The following KLHL32 variants were observed in gnomAD, a reference collection of about 807,000 sequenced individuals.
KLHL32 encodes kelch-like protein 32.
A neutral mutation model predicts 64.8 loss-of-function variants in KLHL32; 35 were observed. That is an observed-to-expected ratio of 0.54 (90% CI 0.41 to 0.72). KLHL32 has a LOEUF of 0.72. Among genes scored for constraint, KLHL32 ranks in the 30% least tolerant of loss-of-function variants. KLHL32 has a pLI of 0.00. For synonymous variants in KLHL32, 259 were observed against 281.0 expected (o/e 0.92, Z 0.78); for missense variants, 589 against 768.5 (o/e 0.77, Z 2.76).
intron 3 of KLHL32, among the ~76,000 whole-genome samples, chr6:97,022,553 T>TCCGTCTC (rs1782150951): frequency 6.7e-6 from 1 of 149,658 alleles, no homozygotes; most frequent in Non-Finnish European, 1.5e-5. Context: ...CACTGCAATC[T>TCCGTCTC]CCGTCTCCCA....
At chr6:96,993,869 A>G (rs927237741) in intron 3 of KLHL32, among the ~76,000 whole-genome samples, 2 of 152,160 alleles carry the variant, frequency 1.3e-5, no homozygotes, top group Non-Finnish European at 2.9e-5. Context: ...GGAGAATATC[A>G]TTGAGGTTAG....
At chr6:96,951,089 AATAGAAATTTAAAAC>A (rs1461002194) in intron 1 of KLHL32, among the ~76,000 whole-genome samples, 1 of 152,180 alleles carries the variant, frequency 6.6e-6, no homozygotes, top group Non-Finnish European at 1.5e-5. Context: ...AAAGTGGTTA[AATAGAAATTTAAAAC>A]ATGATATTTA....
intron 3 of KLHL32, among the ~76,000 whole-genome samples, chr6:96,985,151 G>T (rs1417640459): frequency 2.6e-5 from 4 of 152,184 alleles, no homozygotes; most frequent in African/African-American, 4.8e-5. Context: ...GGCTGGATAT[G>T]AAATTCTGGG....
chr6:96,908,140 C>G, the KLHL32 span, among the ~76,000 whole-genome samples: 1 of 152,192 alleles, frequency 6.6e-6, no homozygotes, highest in Non-Finnish European at 1.5e-5. Context: ...GGCAGCAAAG[C>G]TACCAATGGT....
At chr6:97,090,426 C>T (rs528836412) in intron 6 of KLHL32, among the ~76,000 whole-genome samples, 22 of 152,226 alleles carry the variant, frequency 1.4e-4, no homozygotes, top group Admixed American at 2.6e-4. Context: ...TTTTTTGACA[C>T]GCTCCTCCTG....
At chr6:96,952,334 T>C (rs1266098061) in intron 1 of KLHL32, among the ~76,000 whole-genome samples, 1 of 152,236 alleles carries the variant, frequency 6.6e-6, no homozygotes, top group African/African-American at 2.4e-5. Flanking sequence ...TGGTGACTTT[T>C]TGTGACCAGA....
chr6:97,107,291 C>CAAA (rs1056501039), intron 6 of KLHL32, among the ~76,000 whole-genome samples: 2,654 of 136,694 alleles, frequency 0.019, 82 homozygotes, highest in African/African-American at 0.067. Flanking sequence ...GACTCCATCT[C>CAAA]AAAAAAAAAA....
At chr6:97,044,382 C>T (rs1255938336) in intron 4 of KLHL32, among the ~76,000 whole-genome samples, 2 of 151,984 alleles carry the variant, frequency 1.3e-5, no homozygotes, top group East Asian at 3.9e-4. Flanking sequence ...TTTAATCATT[C>T]ACTGTGCTGT....
At chr6:96,925,667 C>G (rs1379982939) in intron 1 of KLHL32, among the ~76,000 whole-genome samples, 2 of 152,194 alleles carry the variant, frequency 1.3e-5, no homozygotes, top group Admixed American at 1.3e-4. Flanking sequence ...TTTCCCCACA[C>G]AAGAATGAGC....
rs563815585 is a variant in KLHL32, at chr6:96,962,288, A to T, written c.-65-4708A>T. ...AGACCCCATCAATCCTATGTACCAG[A>T]TTATATTTGAAAAGAGACTTACCAG... On this transcript the variant is annotated intron_variant, in intron 1 of 10. Transcript: ENST00000369261. 2.0e-5 allele frequency among the ~76,000 whole-genome samples: 3 copies of T among 152,358 alleles called. No homozygotes were observed. In the South Asian group the frequency reaches 6.2e-4, roughly 32 times the overall value.
chr6:96,984,800 C>G (rs1776798775), intron 3 of KLHL32, among the ~76,000 whole-genome samples: 1 of 152,146 alleles, frequency 6.6e-6, no homozygotes, highest in South Asian at 2.1e-4. Flanking sequence ...GAATACAGTA[C>G]AGTGATGGGT....
At chr6:97,044,776 T>C (rs1043802678) in intron 4 of KLHL32, among the ~76,000 whole-genome samples, 5 of 152,128 alleles carry the variant, frequency 3.3e-5, no homozygotes, top group African/African-American at 1.2e-4. Flanking sequence ...CCATTTCTTC[T>C]AGATTATCCA....
rs117743308 is a variant in KLHL32 at position 97,132,515 on chromosome 6, T to C, written c.1607-138T>C. ...AATTTTTCTGAGTACTGGGAGGCAG[T>C]GATTAGTTGCTGCAAAAATCCCATG... On this transcript the variant is annotated intron_variant, in intron 9 of 10. Coordinates refer to ENST00000369261, the MANE Select transcript of KLHL32 (RefSeq NM_052904.4). 4,495 of 636,584 alleles carry C rather than the reference T, an allele frequency of 7.1e-3. 29 individuals carry two copies. The highest frequency in any genetic ancestry group is 0.012 in the South Asian group (664 of 56,184). The allele number at this position is 636,584 out of a possible 1,614,324, so 39.4% of individuals were successfully genotyped here.
At chr6:97,082,127 T>C (rs1026365279) in intron 5 of KLHL32, among the ~76,000 whole-genome samples, 3 of 152,186 alleles carry the variant, frequency 2.0e-5, no homozygotes, top group African/African-American at 7.2e-5. Flanking sequence ...TTTAGGACAC[T>C]GTTGCAAGAA....
intron 4 of KLHL32, among the ~76,000 whole-genome samples, chr6:97,057,561 C>A (rs971936853): frequency 1.4e-5 from 2 of 146,762 alleles, no homozygotes; most frequent in African/African-American, 5.2e-5. Context: ...CCCCCTCCCG[C>A]CCCCATTTCA....
At chr6:97,047,635 T>A (rs922758229) in intron 4 of KLHL32, among the ~76,000 whole-genome samples, 5 of 152,176 alleles carry the variant, frequency 3.3e-5, no homozygotes, top group Admixed American at 2.0e-4. Flanking sequence ...TTTTCATGTT[T>A]CAGACCAGTC....
chr6:96,943,741 C>G (rs142681380), intron 1 of KLHL32, among the ~76,000 whole-genome samples: 2 of 152,232 alleles, frequency 1.3e-5, no homozygotes, highest in African/African-American at 4.8e-5. Flanking sequence ...TTAAACACTT[C>G]GAGCTTCCTG....
At chr6:96,950,696 T>C (rs574329411) in intron 1 of KLHL32, among the ~76,000 whole-genome samples, 1 of 152,328 alleles carries the variant, frequency 6.6e-6, no homozygotes, top group East Asian at 1.9e-4. Flanking sequence ...CAGATGTATT[T>C]TCATGGAAAA....
At chr6:97,021,256 A>G (rs886801082) in intron 3 of KLHL32, among the ~76,000 whole-genome samples, 1 of 150,796 alleles carries the variant, frequency 6.6e-6, no homozygotes, top group Non-Finnish European at 1.5e-5. Context: ...TGTTTGCTGT[A>G]TGAATGACCA....
Sources: gnomAD v4.1 joint callset for allele counts (sites outside exome capture counted in the v4.1 genomes callset) on GRCh38, gnomAD v4.1.1 for gene constraint, MANE v1.5 for transcripts, NCBI Gene and HGNC (gene_info 2026-07-23, HGNC 2026-07-21) for gene names.